CDC34: variants seen among roughly 807,000 people sequenced by gnomAD.
CDC34 encodes cell division cycle 34, ubiquitin conjugating enzyme.
In CDC34, 18 loss-of-function variants were observed where a neutral mutation model predicts 26.8. The ratio of observed to expected loss-of-function variants is 0.67; its 90% CI spans 0.47 to 1.00. The LOEUF (loss-of-function observed/expected upper bound fraction) is 1.00. Among genes scored for constraint, CDC34 ranks in the 50% least tolerant of loss-of-function variants. The probability of loss-of-function intolerance (pLI) is 0.00; values close to 1 mark genes in which losing one functional copy is unlikely to be tolerated. For synonymous variants in CDC34, 178 were observed against 147.5 expected, an observed-to-expected ratio of 1.21 and a Z score of -1.50; for missense variants, 280 against 334.5, an observed-to-expected ratio of 0.84 and a Z score of 1.27.
rs773623358 is a variant in CDC34, at chr19:537,651, CTTT to C, written c.497+523_497+525del. 2.4e-3 allele frequency among the ~76,000 whole-genome samples: 161 copies of C among 67,074 alleles called. 2 individuals are homozygous for C. The highest frequency in any genetic ancestry group is 8.2e-3 in the African/African-American group (151 of 18,370). 44.0% of individuals were successfully genotyped at this position (67,074 alleles called of 152,430 possible). A position where few individuals can be genotyped will look rare whatever the true frequency, so the allele number is the denominator to read the frequency against. ...ACAGGCGTGAGCCACCGCGGCCGGC[CTTT>C]TTTTTTTTTTTTTTTTTTGGAGACA... On this transcript the variant is annotated intron_variant, in intron 4 of 4. Coordinates refer to ENST00000215574, the MANE Select transcript of CDC34 (RefSeq NM_004359.2).
At chr19:533,618 TGAGGCGGCTGCTGTTCTGGAAGGAGGG>T (rs1458517684) in intron 1 of CDC34, among the ~76,000 whole-genome samples, 1 of 152,216 alleles carries the variant, frequency 6.6e-6, no homozygotes, top group Non-Finnish European at 1.5e-5. Context: ...GCCAGGCCTG[TGAGGCGGCTGCTGTTCTGGAAGGAGGG>T]GATGGGGGTT....
At chr19:537,692 CTT>C (rs1286013969) in intron 4 of CDC34, among the ~76,000 whole-genome samples, 8 of 105,250 alleles carry the variant, frequency 7.6e-5, no homozygotes, top group Non-Finnish European at 9.1e-5. Context: ...GTTATACTCT[CTT>C]GCCTAGGCTG....
intron 1 of CDC34, among the ~76,000 whole-genome samples, chr19:535,464 C>G (rs569270011): frequency 6.6e-6 from 1 of 152,340 alleles, no homozygotes; most frequent in South Asian, 2.1e-4. Flanking sequence ...GCCTGGAGCC[C>G]CTGCCAGTCC....
chr19:539,678 G>A lies in CDC34; in HGVS notation c.498-1661G>A, dbSNP rs16990616. On this transcript the variant is annotated intron_variant, in intron 4 of 4. Coordinates refer to ENST00000215574, the MANE Select transcript of CDC34 (RefSeq NM_004359.2). ...CCAGAGCCCAGAGCCGTGCCTGGTCGGTGATAGGGGCTCGAGCCCATTGCC... is the reference window on the plus strand; with the variant it reads ...CCAGAGCCCAGAGCCGTGCCTGGTCAGTGATAGGGGCTCGAGCCCATTGCC... 8.5e-3 allele frequency among the ~76,000 whole-genome samples: 1,287 copies of A among 152,240 alleles called. 9 individuals carry two copies. The highest frequency in any genetic ancestry group is 0.03 in the African/African-American group (1,226 of 41,552).
rs146663310 is a variant in CDC34, at chr19:535,855, A to G, written c.196A>G (p.Ile66Val). The G allele has an allele frequency of 2.7e-5, 44 of 1,613,710 alleles. No homozygotes were observed. The African/African-American group carries it at 5.9e-4, about 22-fold the overall frequency. Residue 66 changes from isoleucine to valine, a missense_variant, in exon 2 of 5, where the codon ATC becomes GTC. Physicochemically the swap from Ile to Val is conservative, Grantham distance 29. Coordinates refer to ENST00000215574, the MANE Select transcript of CDC34 (RefSeq NM_004359.2). ...GYFKARLKFPIDYPYSPPAFR... is the reference protein window; with the variant it reads ...GYFKARLKFPVDYPYSPPAFR... ...CCTGCAGGCGCGCCTCAAGTTCCCCATCGACTACCCATACTCTCCACCAGC... is the reference window on the plus strand; with the variant it reads ...CCTGCAGGCGCGCCTCAAGTTCCCCGTCGACTACCCATACTCTCCACCAGC...
rs747570195 is a variant in CDC34, at chr19:541,573, C to T, written c.*21C>T. ...CCTGACACCACCAGAATAAACTTGCCGAGTTTACCTCACTAGGGCCGGACC... is the reference window on the plus strand; with the variant it reads ...CCTGACACCACCAGAATAAACTTGCTGAGTTTACCTCACTAGGGCCGGACC... On this transcript the variant is annotated 3_prime_UTR_variant, in exon 5 of 5. Transcript: ENST00000215574. 2.6e-6 allele frequency: 4 copies of T among 1,547,636 alleles called. No homozygotes were observed. In the African/African-American group the frequency reaches 4.1e-5, roughly 16 times the overall value.
rs17841775 is a variant in CDC34 at position 533,464 on chromosome 19, G to GT, written c.177+1358dup. Among the ~76,000 whole-genome samples the GT allele has an allele frequency of 1.2e-3, 190 of 152,384 alleles. 2 individuals carry two copies. The highest frequency in any genetic ancestry group is 4.5e-3 in the African/African-American group (186 of 41,592). ...TGAGCAGAGAGTGGGACGCCCGTGG[G>GT]TTCTGCATCTGGAATCCTGCGTCCC... On this transcript the variant is annotated intron_variant, in intron 1 of 4. Coordinates refer to ENST00000215574, the MANE Select transcript of CDC34 (RefSeq NM_004359.2).
At chr19:541,269 G>C in intron 4 of CDC34, 70 bp from the exon 5 acceptor site, 1 of 1,459,898 alleles carries the variant, frequency 6.8e-7, no homozygotes, top group South Asian at 1.4e-5. Context: ...GTCGGACCTG[G>C]GGGAGGGGGG....
At position 541,759 on chromosome 19, in the gene CDC34, G is replaced by C. The variant is rs1025727477; in HGVS notation, c.*207G>C. 1.2e-5 allele frequency: 6 copies of C among 480,262 alleles called. No homozygotes were observed. The highest frequency in any genetic ancestry group is 2.0e-5 in the African/African-American group (1 of 50,496). The allele number at this position is 480,262 out of a possible 1,614,324, so 29.8% of individuals were successfully genotyped here. A position where few individuals can be genotyped will look rare whatever the true frequency, so the allele number is the denominator to read the frequency against. ...CCCCACCGCCACTCACGTCACTCGG[G>C]GCTCGGTGGACGGGCCCAGGGTGGG... On this transcript the variant is annotated 3_prime_UTR_variant, in exon 5 of 5. Coordinates refer to ENST00000215574, the MANE Select transcript of CDC34 (RefSeq NM_004359.2).
chr19:536,358 C>G lies in CDC34; in HGVS notation c.362+18C>G, dbSNP rs755976168. On this transcript the variant is annotated intron_variant, in intron 3 of 4. Transcript: ENST00000215574. ...AACGTCAGGTAAGCCGGCCCAACCC[C>G]CTGTGTCCACCCAGAACATCAGGTA... The G allele has an allele frequency of 1.9e-6, 3 of 1,581,862 alleles. No individual in the cohort carries two copies. Among genetic ancestry groups the G allele is most frequent in the Admixed American group, 1.7e-5 (1 of 58,826 alleles).
At chr19:536,968 C>G in intron 3 of CDC34, 45 bp from the exon 4 acceptor site, 1 of 1,611,548 alleles carries the variant, frequency 6.2e-7, no homozygotes, top group Non-Finnish European at 8.5e-7. Context: ...AGCCGGAAGG[C>G]TGGGGTGCCC....
Position 541,661 on chromosome 19 carries a change from T to G in CDC34, c.*109T>G. 1 of 1,298,320 alleles carries G rather than the reference T, an allele frequency of 7.7e-7. No individual in the cohort carries two copies. Among genetic ancestry groups the G allele is most frequent in the South Asian group, 1.6e-5 (1 of 62,146 alleles). 80.4% of individuals were successfully genotyped at this position (1,298,320 alleles called of 1,614,324 possible). A position where few individuals can be genotyped will look rare whatever the true frequency, so the allele number is the denominator to read the frequency against. ...TTGTGCTGGTCCCCGTCTCCTCTGG[T>G]TGTTTCGTTTTGGCTTTTTCTCCCT... On this transcript the variant is annotated 3_prime_UTR_variant, in exon 5 of 5. Coordinates refer to ENST00000215574, the MANE Select transcript of CDC34 (RefSeq NM_004359.2).
chr19:535,163 G>A (rs1360225193), intron 1 of CDC34, among the ~76,000 whole-genome samples: 1 of 152,224 alleles, frequency 6.6e-6, no homozygotes, highest in African/African-American at 2.4e-5. Context: ...GGCCGTCCTT[G>A]CCAGCAGATC....
intron 1 of CDC34, among the ~76,000 whole-genome samples, chr19:533,258 G>A (rs905690441): frequency 3.3e-5 from 5 of 152,180 alleles, no homozygotes; most frequent in Non-Finnish European, 7.4e-5. Flanking sequence ...CCTGCCAAGA[G>A]CCTGGACACG....
At chr19:537,464 T>G (rs529532980) in intron 4 of CDC34, among the ~76,000 whole-genome samples, 1 of 151,318 alleles carries the variant, frequency 6.6e-6, no homozygotes, top group Non-Finnish European at 1.5e-5. Flanking sequence ...GCCATTCTCC[T>G]GCCTCAGCCT....
At chr19:539,348 C>G (rs1212011772) in intron 4 of CDC34, among the ~76,000 whole-genome samples, 2 of 150,146 alleles carry the variant, frequency 1.3e-5, no homozygotes, top group African/African-American at 4.9e-5. Flanking sequence ...GGCACCGTCA[C>G]CCCCCCAGCC....
intron 4 of CDC34, among the ~76,000 whole-genome samples, chr19:539,634 A>C (rs1377872762): frequency 1.3e-5 from 2 of 151,858 alleles, no homozygotes; most frequent in South Asian, 2.1e-4. Flanking sequence ...GGACCCGCAC[A>C]CCCTGGTAGC....
At position 531,900 on chromosome 19, in the gene CDC34, C is replaced by T; in HGVS notation, c.-32C>T. 7.3e-7 allele frequency: 1 copy of T among 1,365,314 alleles called. No homozygotes were observed. The highest frequency in any genetic ancestry group is 9.4e-7 in the Non-Finnish European group (1 of 1,063,384). 84.6% of individuals were successfully genotyped at this position (1,365,314 alleles called of 1,614,324 possible). On this transcript the variant is annotated 5_prime_UTR_variant, in exon 1 of 5. Coordinates refer to ENST00000215574, the MANE Select transcript of CDC34 (RefSeq NM_004359.2). ...CTCGCGGTGGTCGCGCGGCCCCGCG[C>T]TGCTCCGACCCCGGGCCCCTCCGCC...
At chr19:534,077 G>A (rs1435234787) in intron 1 of CDC34, among the ~76,000 whole-genome samples, 2 of 152,198 alleles carry the variant, frequency 1.3e-5, no homozygotes, top group African/African-American at 4.8e-5. Context: ...TCTTAGAGGT[G>A]CCCAAAATAA....
Sources: allele counts gnomAD v4.1 joint callset (sites outside exome capture counted in the v4.1 genomes callset), GRCh38; gene constraint gnomAD v4.1.1; transcripts MANE v1.5; gene names NCBI Gene and HGNC (gene_info 2026-07-23, HGNC 2026-07-21).